The following PPP3CA variants were observed in gnomAD, a reference collection of about 807,000 sequenced individuals.
The protein encoded by PPP3CA is CAM-PRP catalytic subunit.
A neutral mutation model predicts 66.5 loss-of-function variants in PPP3CA; 14 were observed. The ratio of observed to expected loss-of-function variants is 0.21; its 90% CI spans 0.14 to 0.33. PPP3CA has a LOEUF of 0.33. PPP3CA is among the 10% of genes least tolerant of loss of function. PPP3CA has a pLI of 1.00. For missense variants in PPP3CA, 317 were observed against 639.5 expected (o/e 0.50, Z 5.44); for synonymous variants, 232 against 226.2 (o/e 1.03, Z -0.23).
At chr4:101,293,858 T>A (rs1025671947) in intron 1 of PPP3CA, among the ~76,000 whole-genome samples, 2 of 152,086 alleles carry the variant, frequency 1.3e-5, no homozygotes, top group East Asian at 3.8e-4. Context: ...TGTTTGCTTA[T>A]TTTTTTTCTC....
intron 2 of PPP3CA, among the ~76,000 whole-genome samples, chr4:101,152,880 GA>G (rs892453409): frequency 6.6e-5 from 10 of 151,712 alleles, no homozygotes; most frequent in African/African-American, 1.7e-4. Flanking sequence ...AAAAGAAAAG[GA>G]AAAAAAACGC....
At chr4:101,302,730 C>T (rs1180785344) in intron 1 of PPP3CA, among the ~76,000 whole-genome samples, 3 of 152,142 alleles carry the variant, frequency 2.0e-5, no homozygotes, top group South Asian at 2.1e-4. Flanking sequence ...TCAATATTAT[C>T]ATTCCAATTG....
chr4:101,033,424 C>A (rs1560571308), intron 11 of PPP3CA, among the ~76,000 whole-genome samples: 1 of 152,054 alleles, frequency 6.6e-6, no homozygotes. Flanking sequence ...CTCCCCATAA[C>A]CTGCTGCTTC....
intron 6 of PPP3CA, among the ~76,000 whole-genome samples, chr4:101,087,820 T>C (rs1047622061): frequency 2.6e-5 from 4 of 152,144 alleles, no homozygotes; most frequent in African/African-American, 7.2e-5. Context: ...AGGGGCTGAA[T>C]AGCTTGGTAA....
At chr4:101,182,920 G>A (rs1209632095) in intron 2 of PPP3CA, among the ~76,000 whole-genome samples, 1 of 152,024 alleles carries the variant, frequency 6.6e-6, no homozygotes, top group African/African-American at 2.4e-5. Flanking sequence ...AATGTGACTT[G>A]CTCCTCCTTG....
At chr4:101,159,175 T>C (rs930773438) in intron 2 of PPP3CA, among the ~76,000 whole-genome samples, 2 of 152,186 alleles carry the variant, frequency 1.3e-5, no homozygotes, top group Non-Finnish European at 2.9e-5. Flanking sequence ...GAACCAATCC[T>C]GGCAGTCTGG....
chr4:101,288,422 A>G (rs1164592480), intron 1 of PPP3CA, among the ~76,000 whole-genome samples: 2 of 152,102 alleles, frequency 1.3e-5, no homozygotes, highest in African/African-American at 2.4e-5. Flanking sequence ...TTGGAATACT[A>G]ATGTGGAATT....
intron 1 of PPP3CA, among the ~76,000 whole-genome samples, chr4:101,307,412 G>A (rs1231624028): frequency 6.6e-6 from 1 of 152,148 alleles, no homozygotes; most frequent in Non-Finnish European, 1.5e-5. Context: ...AGGTGGTTTG[G>A]CAGAGCAAAA....
chr4:101,230,533 C>T (rs1302784921), intron 1 of PPP3CA, among the ~76,000 whole-genome samples: 1 of 151,280 alleles, frequency 6.6e-6, no homozygotes, highest in African/African-American at 2.4e-5. Flanking sequence ...TAAATAAATA[C>T]ATAAATAAAC....
intron 1 of PPP3CA, among the ~76,000 whole-genome samples, chr4:101,212,145 G>A (rs925171104): frequency 6.6e-6 from 1 of 151,944 alleles, no homozygotes; most frequent in Non-Finnish European, 1.5e-5. Flanking sequence ...TCTTTTATTC[G>A]ACATGCCTGC....
At chr4:101,246,406 A>G (rs1726481322) in intron 1 of PPP3CA, among the ~76,000 whole-genome samples, 1 of 152,198 alleles carries the variant, frequency 6.6e-6, no homozygotes, top group African/African-American at 2.4e-5. Flanking sequence ...GGCAATCCAA[A>G]GTGATTTGAA....
chr4:101,181,290 T>C (rs1389615625), intron 2 of PPP3CA, among the ~76,000 whole-genome samples: 1 of 152,028 alleles, frequency 6.6e-6, no homozygotes, highest in African/African-American at 2.4e-5. Flanking sequence ...TGGGCATTTA[T>C]AAATATGTTG....
At chr4:101,201,258 AGGTGAGTG>A (rs1315947639) in intron 1 of PPP3CA, among the ~76,000 whole-genome samples, 1 of 152,258 alleles carries the variant, frequency 6.6e-6, no homozygotes, top group East Asian at 1.9e-4. Context: ...AATGAGAACA[AGGTGAGTG>A]GAAATTAAAT....
At chr4:101,088,575 A>C (rs1729773532) in intron 6 of PPP3CA, among the ~76,000 whole-genome samples, 1 of 130,424 alleles carries the variant, frequency 7.7e-6, no homozygotes, top group African/African-American at 3.2e-5. Context: ...ACAGAGCAAG[A>C]CTCCATCTCA....
chr4:101,042,312 G>A (rs1003904418), intron 10 of PPP3CA, among the ~76,000 whole-genome samples: 1 of 151,886 alleles, frequency 6.6e-6, no homozygotes. Flanking sequence ...TCCCCAGAGG[G>A]TGTGTGAAAA....
At chr4:101,060,693 A>G (rs557258635) in intron 10 of PPP3CA, among the ~76,000 whole-genome samples, 2 of 152,296 alleles carry the variant, frequency 1.3e-5, no homozygotes, top group Admixed American at 6.5e-5. Flanking sequence ...CAAAACTTGA[A>G]TAATTGATGT....
At chr4:101,142,568 C>T (rs150638583) in intron 2 of PPP3CA, among the ~76,000 whole-genome samples, 12 of 152,256 alleles carry the variant, frequency 7.9e-5, no homozygotes, top group East Asian at 3.9e-4. Context: ...TCCACCCACC[C>T]GCCCCAGCTT....
At chr4:101,233,103 C>T (rs1301575123) in intron 1 of PPP3CA, among the ~76,000 whole-genome samples, 1 of 151,778 alleles carries the variant, frequency 6.6e-6, no homozygotes, top group Non-Finnish European at 1.5e-5. Context: ...TAAGACACTA[C>T]ACCTAAAGTA....
At chr4:101,324,219 A>G (rs1359544237) in intron 1 of PPP3CA, among the ~76,000 whole-genome samples, 32 of 140,300 alleles carry the variant, frequency 2.3e-4, no homozygotes, top group Admixed American at 2.9e-4. Context: ...GAAGGAAGGA[A>G]GGAAAGGAGG....
Sources: allele counts gnomAD v4.1 joint callset (sites outside exome capture counted in the v4.1 genomes callset), GRCh38; gene constraint gnomAD v4.1.1; transcripts MANE v1.5; gene names NCBI Gene and HGNC (gene_info 2026-07-23, HGNC 2026-07-21).